Variants in MEIS1 observed in about 807,000 individuals in gnomAD.
The protein encoded by MEIS1 is Meis homeobox 1.
MEIS1 carries 5 observed loss-of-function variants against 50.8 expected under a neutral mutation model. The observed-to-expected ratio is 0.10, with a 90% CI of 0.05 to 0.21. MEIS1 has a LOEUF of 0.21. MEIS1 is among the 10% of genes least tolerant of loss of function. The pLI, the probability that MEIS1 is intolerant of heterozygous loss-of-function variation, is 1.00. For missense variants in MEIS1, 318 were observed against 517.3 expected (o/e 0.61, Z 3.74); for synonymous variants, 176 against 179.3 (o/e 0.98, Z 0.15).
chr2:66,458,249 A>G (rs1672439545), intron 6 of MEIS1, among the ~76,000 whole-genome samples: 1 of 152,208 alleles, frequency 6.6e-6, no homozygotes, highest in Non-Finnish European at 1.5e-5. Context: ...TGCTTTGTAT[A>G]CTGTAAAGTG....
At chr2:66,511,515 T>A (rs1396598130) in intron 7 of MEIS1, among the ~76,000 whole-genome samples, 1 of 152,234 alleles carries the variant, frequency 6.6e-6, no homozygotes, top group Non-Finnish European at 1.5e-5. Context: ...CTTATTTGAT[T>A]TACACAGTAA....
At chr2:66,446,985 C>A (rs1672167609) in intron 6 of MEIS1, among the ~76,000 whole-genome samples, 1 of 152,214 alleles carries the variant, frequency 6.6e-6, no homozygotes, top group South Asian at 2.1e-4. Flanking sequence ...AGAACTTTGA[C>A]AGAAAACGCC....
At chr2:66,452,407 G>T (rs932681936) in intron 6 of MEIS1, among the ~76,000 whole-genome samples, 1 of 151,878 alleles carries the variant, frequency 6.6e-6, no homozygotes, top group Non-Finnish European at 1.5e-5. Flanking sequence ...TGAGATAAGG[G>T]TGGCATCTCT....
intron 6 of MEIS1, among the ~76,000 whole-genome samples, chr2:66,450,487 A>T (rs1558523314): frequency 6.6e-6 from 1 of 152,172 alleles, no homozygotes; most frequent in Admixed American, 6.5e-5. Context: ...TTCAAAAAAA[A>T]TAAAATGCCT....
chr2:66,472,215 TCATTGTTTCAGGTGGTAGATTCTTCA>T (rs1250041295), intron 7 of MEIS1, among the ~76,000 whole-genome samples: 2 of 152,212 alleles, frequency 1.3e-5, no homozygotes, highest in Non-Finnish European at 2.9e-5. Flanking sequence ...AGGAGAGAAT[TCATTGTTTCAGGTGGTAGATTCTTCA>T]CATGGTGTCA....
chr2:66,551,545 G>A (rs1397104030), intron 9 of MEIS1, among the ~76,000 whole-genome samples: 1 of 152,090 alleles, frequency 6.6e-6, no homozygotes, highest in African/African-American at 2.4e-5. Context: ...TTTATTAGAT[G>A]TGACATTGTG....
At chr2:66,567,894 G>C (rs1029004775) in intron 10 of MEIS1, 57 of 444,316 alleles carry the variant, frequency 1.3e-4, no homozygotes, top group Non-Finnish European at 1.7e-4. Flanking sequence ...CCTGTCAAAA[G>C]GGCAAAGGGG....
At chr2:66,509,088 CTA>C (rs746512341) in intron 7 of MEIS1, 21 of 470,976 alleles carry the variant, frequency 4.5e-5, no homozygotes, top group African/African-American at 3.8e-4. Flanking sequence ...ATTGAGGTGA[CTA>C]TATCAAATTG....
At chr2:66,444,116 T>C (rs539526475) in intron 6 of MEIS1, among the ~76,000 whole-genome samples, 23 of 152,278 alleles carry the variant, frequency 1.5e-4, no homozygotes, top group African/African-American at 5.5e-4. Context: ...ACAGTTCCGT[T>C]GCGAATTGTT....
intron 8 of MEIS1, among the ~76,000 whole-genome samples, chr2:66,542,713 G>T (rs965718313): frequency 6.6e-6 from 1 of 152,168 alleles, no homozygotes; most frequent in Non-Finnish European, 1.5e-5. Context: ...CTCTGTACAG[G>T]ATTATTTTCA....
intron 9 of MEIS1, among the ~76,000 whole-genome samples, chr2:66,564,976 C>T (rs1399200467): frequency 1.3e-5 from 2 of 152,140 alleles, no homozygotes; most frequent in Non-Finnish European, 2.9e-5. Flanking sequence ...AACCTTCTAA[C>T]AGCCTTGTTT....
chr2:66,513,234 G>A (rs1271108492), intron 8 of MEIS1, among the ~76,000 whole-genome samples: 1 of 152,150 alleles, frequency 6.6e-6, no homozygotes, highest in Non-Finnish European at 1.5e-5. Context: ...TACATAGATG[G>A]ATAAATGTTA....
chr2:66,527,815 C>G (rs1674293587), intron 8 of MEIS1, among the ~76,000 whole-genome samples: 1 of 152,102 alleles, frequency 6.6e-6, no homozygotes, highest in Admixed American at 6.5e-5. Context: ...CACCATAAAT[C>G]ATGGCAAAAC....
chr2:66,564,771 G>C (rs373646069), intron 9 of MEIS1, among the ~76,000 whole-genome samples: 2 of 150,832 alleles, frequency 1.3e-5, no homozygotes, highest in African/African-American at 4.9e-5. Context: ...TGTGCACAAC[G>C]TGCAGGTTTG....
intron 7 of MEIS1, among the ~76,000 whole-genome samples, chr2:66,477,591 TG>T (rs772809054): frequency 8.5e-5 from 13 of 152,256 alleles, no homozygotes; most frequent in Admixed American, 2.6e-4. Context: ...TCCGGCTCCG[TG>T]GAGACCAGGG....
intron 7 of MEIS1, among the ~76,000 whole-genome samples, chr2:66,488,582 G>A (rs185987346): frequency 6.6e-6 from 1 of 152,300 alleles, no homozygotes; most frequent in African/African-American, 2.4e-5. Context: ...GGAGGCTGAG[G>A]CAGGAGAATG....
intron 8 of MEIS1, among the ~76,000 whole-genome samples, chr2:66,525,031 T>C (rs934366019): frequency 6.6e-6 from 1 of 152,068 alleles, no homozygotes; most frequent in African/African-American, 2.4e-5. Flanking sequence ...ATGGGCAACA[T>C]GGTGAAACCC....
At chr2:66,520,185 A>G (rs1674077505) in intron 8 of MEIS1, among the ~76,000 whole-genome samples, 1 of 152,060 alleles carries the variant, frequency 6.6e-6, no homozygotes, top group Non-Finnish European at 1.5e-5. Context: ...TTTAAAGAAA[A>G]GCCAGTTGGC....
At position 66,479,952 on chromosome 2, in the gene MEIS1, ATGT is replaced by A. The variant is rs1458587452; in HGVS notation, c.742+15737_742+15739del. Among the ~76,000 whole-genome samples the A allele has an allele frequency of 5.3e-5, 8 of 152,208 alleles. No homozygotes were observed. In the East Asian group the frequency reaches 1.5e-3, roughly 29 times the overall value. On this transcript the variant is annotated intron_variant, in intron 7 of 12. Coordinates refer to ENST00000272369, the MANE Select transcript of MEIS1 (RefSeq NM_002398.3). ...ACTGACTTCAACTTTTGCTCTTAAA[ATGT>A]TGTTTTGATGCATAGTGTAGTGATG...
Sources: gnomAD v4.1 joint callset for allele counts (sites outside exome capture counted in the v4.1 genomes callset) on GRCh38, gnomAD v4.1.1 for gene constraint, MANE v1.5 for transcripts, NCBI Gene and HGNC (gene_info 2026-07-23, HGNC 2026-07-21) for gene names.